SNTG1: variants seen among roughly 807,000 people sequenced by gnomAD.
The protein encoded by SNTG1 is gamma-1-syntrophin.
SNTG1 carries 39 observed loss-of-function variants against 74.7 expected under a neutral mutation model. That is an observed-to-expected ratio of 0.52 (90% CI 0.40 to 0.68). The LOEUF is 0.68. SNTG1 is among the 30% of genes least tolerant of loss of function. The probability of loss-of-function intolerance (pLI) is 0.00; values close to 1 mark genes in which losing one functional copy is unlikely to be tolerated. For synonymous variants in SNTG1, 254 were observed against 217.1 expected, an observed-to-expected ratio of 1.17 and a Z score of -1.49; for missense variants, 685 against 609.5, an observed-to-expected ratio of 1.12 and a Z score of -1.30.
chr8:50,753,936 A>T (rs2095573833), intron 18 of SNTG1, among the ~76,000 whole-genome samples: 1 of 152,010 alleles, frequency 6.6e-6, no homozygotes, highest in South Asian at 2.1e-4. Context: ...AAATATGATG[A>T]CTATTTAAAC....
rs117682144 is a variant in SNTG1 at position 50,627,553 on chromosome 8, G to C, written c.850-29356G>C. The stretch of plus-strand genomic sequence containing the variant: ...TTTTGTTCTTTATAAATTCCCCAGT[G>C]TTAGGCATTCTGTTATGGCAACACA... On this transcript the variant is annotated intron_variant, in intron 13 of 18. Transcript: ENST00000642720. Among the ~76,000 whole-genome samples the C allele has an allele frequency of 1.2e-3, 190 of 152,146 alleles. 4 individuals carry two copies. The East Asian group carries it at 0.027, about 22-fold the overall frequency.
intron 2 of SNTG1, among the ~76,000 whole-genome samples, chr8:50,314,786 G>A (rs1482611148): frequency 1.3e-5 from 2 of 149,786 alleles, no homozygotes; most frequent in African/African-American, 5.0e-5. Context: ...TAAAAGATTT[G>A]TGTAATCTCC....
intron 1 of SNTG1, among the ~76,000 whole-genome samples, chr8:49,972,504 A>C (rs946131288): frequency 6.6e-4 from 100 of 152,338 alleles, no homozygotes; most frequent in African/African-American, 2.4e-3. Flanking sequence ...ACAAAAGCCA[A>C]AATTGACAAA....
At chr8:50,108,950 A>G (rs2080482157) in intron 1 of SNTG1, among the ~76,000 whole-genome samples, 1 of 152,192 alleles carries the variant, frequency 6.6e-6, no homozygotes. Flanking sequence ...CTGTGTATGT[A>G]TATAGTCTAG....
At chr8:50,123,588 T>G (rs557809195) in intron 1 of SNTG1, among the ~76,000 whole-genome samples, 1 of 143,074 alleles carries the variant, frequency 7.0e-6, no homozygotes, top group East Asian at 2.0e-4. Flanking sequence ...TGCTAAGAGA[T>G]GCCTATTATA....
At chr8:50,236,344 T>C (rs1227959054) in intron 2 of SNTG1, among the ~76,000 whole-genome samples, 1 of 152,128 alleles carries the variant, frequency 6.6e-6, no homozygotes, top group Non-Finnish European at 1.5e-5. Flanking sequence ...ACTAAGTTCT[T>C]AAACCTTCTC....
intron 2 of SNTG1, among the ~76,000 whole-genome samples, chr8:50,332,030 G>A (rs1435380585): frequency 1.1e-4 from 16 of 152,286 alleles, no homozygotes; most frequent in Middle Eastern, 3.4e-3. Context: ...GTAGAATTCT[G>A]AGGCCATGCT....
chr8:50,396,330 A>C (rs183551409), intron 3 of SNTG1, among the ~76,000 whole-genome samples: 1 of 152,296 alleles, frequency 6.6e-6, no homozygotes, highest in East Asian at 1.9e-4. Flanking sequence ...ACTTAATGGA[A>C]TCCAAGTGTT....
chr8:50,538,565 T>C (rs1362214354), intron 11 of SNTG1, among the ~76,000 whole-genome samples: 1 of 152,180 alleles, frequency 6.6e-6, no homozygotes, highest in Non-Finnish European at 1.5e-5. Context: ...CCCCTGTAAG[T>C]AATATGTTCT....
intron 1 of SNTG1, among the ~76,000 whole-genome samples, chr8:49,958,908 T>C (rs1220444916): frequency 6.6e-6 from 1 of 152,236 alleles, no homozygotes; most frequent in Non-Finnish European, 1.5e-5. Flanking sequence ...CATAACAGTG[T>C]AAATGTAGCT....
intron 9 of SNTG1, among the ~76,000 whole-genome samples, chr8:50,520,272 C>A (rs920818057): frequency 2.6e-5 from 4 of 152,168 alleles, no homozygotes; most frequent in Non-Finnish European, 5.9e-5. Context: ...CTTCCTAACA[C>A]CTTATACAAA....
chr8:50,266,684 G>GTGTATATA (rs371676511), intron 2 of SNTG1, among the ~76,000 whole-genome samples: 8 of 136,810 alleles, frequency 5.8e-5, no homozygotes, highest in South Asian at 2.3e-4. Flanking sequence ...GTGTGTGTGT[G>GTGTATATA]TATATATATA....
chr8:50,445,769 A>G (rs1452833117), intron 5 of SNTG1, among the ~76,000 whole-genome samples: 14 of 152,210 alleles, frequency 9.2e-5, no homozygotes, highest in Non-Finnish European at 1.8e-4. Context: ...AGTCCCGCCC[A>G]GGAGTGCCTT....
chr8:50,254,674 T>C (rs552120649), intron 2 of SNTG1, among the ~76,000 whole-genome samples: 2 of 151,952 alleles, frequency 1.3e-5, no homozygotes, highest in Non-Finnish European at 2.9e-5. Context: ...GGGGAAACCC[T>C]GTCTCTACTA....
chr8:50,446,799 C>G (rs2093412144), intron 5 of SNTG1, among the ~76,000 whole-genome samples: 1 of 152,154 alleles, frequency 6.6e-6, no homozygotes, highest in African/African-American at 2.4e-5. Flanking sequence ...TTTTGCATTT[C>G]AAAGATGGTT....
chr8:50,764,962 A>G (rs1350311325), intron 18 of SNTG1, among the ~76,000 whole-genome samples: 1 of 152,020 alleles, frequency 6.6e-6, no homozygotes, highest in Non-Finnish European at 1.5e-5. Context: ...AAAAAGAAGG[A>G]CATTATATCA....
At chr8:50,450,848 C>G in intron 8 of SNTG1, 119 bp downstream of exon 8, 1 of 967,058 alleles carries the variant, frequency 1.0e-6, no homozygotes, top group Middle Eastern at 3.3e-4. Flanking sequence ...AGTTTGATAT[C>G]AAATTTTCAA....
intron 17 of SNTG1, among the ~76,000 whole-genome samples, chr8:50,743,946 A>G (rs923643881): frequency 1.8e-4 from 27 of 149,360 alleles, no homozygotes; most frequent in African/African-American, 6.5e-4. Context: ...CAAGCTTGTC[A>G]CATGGCAAAA....
chr8:50,756,062 G>T (rs2095579663), intron 18 of SNTG1, among the ~76,000 whole-genome samples: 1 of 151,162 alleles, frequency 6.6e-6, no homozygotes, highest in Non-Finnish European at 1.5e-5. Context: ...CTTTGGTAAG[G>T]TATCTGTTAA....
Sources: allele counts gnomAD v4.1 joint callset (sites outside exome capture counted in the v4.1 genomes callset), GRCh38; gene constraint gnomAD v4.1.1; transcripts MANE v1.5; gene names NCBI Gene and HGNC (gene_info 2026-07-23, HGNC 2026-07-21).